The following ARL10 variants were observed in gnomAD, a reference collection of about 807,000 sequenced individuals.
The protein encoded by ARL10 is ARF like GTPase 10.
Under a neutral mutation model 26.1 loss-of-function variants are expected in ARL10, and 23 were observed. The ratio of observed to expected loss-of-function variants is 0.88; its 90% CI spans 0.63 to 1.25. The LOEUF is 1.25. ARL10 is among the 50% of genes most tolerant of loss of function. The pLI, the probability that ARL10 is intolerant of heterozygous loss-of-function variation, is 0.00. For missense variants in ARL10, 300 were observed against 323.6 expected, an observed-to-expected ratio of 0.93 and a Z score of 0.56; for synonymous variants, 138 against 149.1, an observed-to-expected ratio of 0.93 and a Z score of 0.54.
downstream of ARL10, among the ~76,000 whole-genome samples, chr5:176,402,584 C>T (rs1012933475): frequency 6.6e-6 from 1 of 152,220 alleles, no homozygotes; most frequent in African/African-American, 2.4e-5. Context: ...CTCCCCCTTC[C>T]CTCCCTGCCA....
chr5:176,388,772 G>A (rs774898452), downstream of ARL10: 2 of 1,596,006 alleles, frequency 1.3e-6, no homozygotes, highest in Admixed American at 3.5e-5. Context: ...CCTTCACCGG[G>A]AGGCTGAGGT....
downstream of ARL10, chr5:176,385,179 A>G: frequency 1.8e-6 from 2 of 1,134,012 alleles, no homozygotes; most frequent in Non-Finnish European, 2.7e-6. Context: ...CGAATGGTCC[A>G]GGGCGCCTTC....
intron 1 of ARL10, chr5:176,386,937 G>A (rs1554125439): frequency 2.5e-6 from 4 of 1,603,974 alleles, no homozygotes; most frequent in Non-Finnish European, 3.4e-6. Context: ...CTTGAGACCA[G>A]AAGGATCTTT....
chr5:176,402,778 G>A (rs13154366), downstream of ARL10, among the ~76,000 whole-genome samples: 14,279 of 152,266 alleles, frequency 0.094, 797 homozygotes, highest in African/African-American at 0.13. Context: ...CTGGGGAAAC[G>A]TGAACCTTGC....
downstream of ARL10, chr5:176,384,350 A>G: frequency 6.2e-7 from 1 of 1,613,996 alleles, no homozygotes; most frequent in Non-Finnish European, 8.5e-7. Context: ...TCTTGATAGT[A>G]ATTCTTCTCA....
rs201787452 is a variant in ARL10 at position 176,366,496 on chromosome 5, G to T, written c.300G>T (p.Lys100Asn). The change falls in exon 2 of 4, where the codon AAG becomes AAT. Residue 100 changes from lysine (K) to asparagine (N), a missense_variant. Transcript: ENST00000310389. ...CGTTCCTGCGCGTGTTGTCGGGGAA[G>T]CCACCGCTGGAAGGCCACATCCCCA... ...KSTFLRVLSG[K>N]PPLEGHIPTW... is the part of the protein sequence containing the mutation. The T allele has an allele frequency of 1.2e-6, 2 of 1,613,968 alleles. No individual in the cohort carries two copies. The highest frequency in any genetic ancestry group is 1.7e-6 in the Non-Finnish European group (2 of 1,180,024).
chr5:176,382,236 C>G (rs1305633889), downstream of ARL10, among the ~76,000 whole-genome samples: 2 of 152,210 alleles, frequency 1.3e-5, no homozygotes, highest in African/African-American at 4.8e-5. Context: ...GATTCAGGAG[C>G]CACAATCACC....
At chr5:176,400,512 G>A (rs559688419) in intron 1 of ARL10, among the ~76,000 whole-genome samples, 4 of 152,234 alleles carry the variant, frequency 2.6e-5, no homozygotes, top group East Asian at 1.9e-4. Flanking sequence ...GACCCAAAGC[G>A]CTGAGCACCG....
chr5:176,373,317 G>A lies in ARL10; in HGVS notation c.*1422G>A, dbSNP rs975800159. On this transcript the variant is annotated 3_prime_UTR_variant, in exon 4 of 4. Coordinates refer to ENST00000310389, the MANE Select transcript of ARL10 (RefSeq NM_173664.6). ...ATTCCATAGTTCTCCAGTGCTTGGC[G>A]ATCAGCCCAATTGAAGGACTGGCTC... is the stretch of plus-strand genomic sequence containing the variant. The A allele has an allele frequency of 2.6e-5, 9 of 343,134 alleles. No individual in the cohort carries two copies. The highest frequency in any genetic ancestry group is 2.2e-4 in the East Asian group (5 of 23,214). 21.3% of individuals were successfully genotyped at this position (343,134 alleles called of 1,614,324 possible).
chr5:176,385,042 A>G (rs1419869262), downstream of ARL10: 2 of 619,660 alleles, frequency 3.2e-6, no homozygotes, highest in East Asian at 5.5e-5. Context: ...CACTCAGTCT[A>G]TCCTTGCCAT....
chr5:176,389,335 C>A, downstream of ARL10: 2 of 1,612,856 alleles, frequency 1.2e-6, no homozygotes, highest in Non-Finnish European at 1.7e-6. Context: ...CCTCAGGTTG[C>A]CTGGCCACGG....
Position 176,373,016 on chromosome 5 carries a change from A to G in ARL10, c.*1121A>G, listed in dbSNP as rs986299946. The G allele has an allele frequency of 2.3e-5, 9 of 398,512 alleles. No individual in the cohort carries two copies. The highest frequency in any genetic ancestry group is 3.1e-5 in the Non-Finnish European group (7 of 226,070). The allele number at this position is 398,512 out of a possible 1,614,324, so 24.7% of individuals were successfully genotyped here. On this transcript the variant is annotated 3_prime_UTR_variant, in exon 4 of 4. Transcript: ENST00000310389. Reference sequence around the variant, plus strand: ...TGTCGTCGATATCATAGTACTTTACATGGATTCACATGAACTGAAACGCCA... The same window carrying G: ...TGTCGTCGATATCATAGTACTTTACGTGGATTCACATGAACTGAAACGCCA...
chr5:176,394,629 A>C (rs575404654), intron 1 of ARL10, among the ~76,000 whole-genome samples: 1 of 149,120 alleles, frequency 6.7e-6, no homozygotes, highest in East Asian at 2.0e-4. Flanking sequence ...CCTGGCTAAC[A>C]CGGTGAAACC....
downstream of ARL10, among the ~76,000 whole-genome samples, chr5:176,391,214 T>C (rs1165531141): frequency 1.3e-5 from 2 of 152,164 alleles, no homozygotes; most frequent in Non-Finnish European, 2.9e-5. Flanking sequence ...TGGTGACCCT[T>C]GGCATCCAGA....
At chr5:176,383,760 G>T (rs1388845248), downstream of ARL10, among the ~76,000 whole-genome samples, 1 of 152,224 alleles carries the variant, frequency 6.6e-6, no homozygotes, top group Non-Finnish European at 1.5e-5. Flanking sequence ...AGAGTTGAGA[G>T]GAACTGCTGT....
downstream of ARL10, chr5:176,383,868 GC>G (rs1283622639): frequency 1.2e-5 from 13 of 1,095,508 alleles, no homozygotes; most frequent in Admixed American, 2.8e-5. Flanking sequence ...TGGCCTCTCA[GC>G]CCCGGTAGAG....
At chr5:176,388,673 C>A (rs765533081), downstream of ARL10, 216 of 1,320,476 alleles carry the variant, frequency 1.6e-4, no homozygotes, top group Non-Finnish European at 2.3e-4. Flanking sequence ...GTAGCACTAC[C>A]GTGCTGAGCA....
At position 176,378,527 on chromosome 5, in the gene ARL10, G is replaced by A. The variant is rs1426272604; in HGVS notation, c.*6632G>A. 6.6e-6 allele frequency: 1 copy of A among 152,130 alleles called. No individual in the cohort carries two copies. Among genetic ancestry groups the A allele is most frequent in the Non-Finnish European group, 1.5e-5 (1 of 68,032 alleles). The allele number at this position is 152,130 out of a possible 1,614,324, so 9.4% of individuals were successfully genotyped here. On this transcript the variant is annotated 3_prime_UTR_variant, in exon 4 of 4. Transcript: ENST00000310389. ...TGTTTCCATAACATGCCAAAATTGT[G>A]GACTGCAAAGGCATGTATATATACA...
chr5:176,370,256 C>G (rs1215413086), intron 3 of ARL10, among the ~76,000 whole-genome samples: 1 of 152,210 alleles, frequency 6.6e-6, no homozygotes, highest in Non-Finnish European at 1.5e-5. Flanking sequence ...CAAACTTGAA[C>G]TCAGATATTC....
Sources: allele counts gnomAD v4.1 joint callset (sites outside exome capture counted in the v4.1 genomes callset), GRCh38; gene constraint gnomAD v4.1.1; transcripts MANE v1.5; gene names NCBI Gene and HGNC (gene_info 2026-07-23, HGNC 2026-07-21).